Variants in KPNA4 observed in about 807,000 individuals in gnomAD.
KPNA4 encodes importin subunit alpha-3.
Under a neutral mutation model 71.3 loss-of-function variants are expected in KPNA4, and 13 were observed. The ratio of observed to expected loss-of-function variants is 0.18; its 90% CI spans 0.12 to 0.29. The LOEUF (loss-of-function observed/expected upper bound fraction) is 0.29. KPNA4 is among the 10% of genes least tolerant of loss of function. KPNA4 has a pLI of 1.00. For synonymous variants in KPNA4, 189 were observed against 195.2 expected, an observed-to-expected ratio of 0.97 and a Z score of 0.26; for missense variants, 334 against 603.2, an observed-to-expected ratio of 0.55 and a Z score of 4.67.
intron 16 of KPNA4, among the ~76,000 whole-genome samples, chr3:160,502,463 T>C (rs1474275795): frequency 1.3e-5 from 2 of 151,928 alleles, no homozygotes; most frequent in Non-Finnish European, 2.9e-5. Flanking sequence ...CTCAACCTCT[T>C]GGGCTCAAGT....
At chr3:160,562,012 C>G (rs1722254092) in intron 1 of KPNA4, among the ~76,000 whole-genome samples, 1 of 152,114 alleles carries the variant, frequency 6.6e-6, no homozygotes, top group South Asian at 2.1e-4. Context: ...AGGTCATACA[C>G]AAAGTTAGAG....
chr3:160,551,596 A>G (rs1172799416), intron 1 of KPNA4, among the ~76,000 whole-genome samples: 5 of 152,332 alleles, frequency 3.3e-5, no homozygotes, highest in African/African-American at 1.2e-4. Flanking sequence ...GTAGAGAGTC[A>G]GAGATGAAGT....
At position 160,555,390 on chromosome 3, in the gene KPNA4, T is replaced by C. The variant is rs759693217; in HGVS notation, c.69+9824A>G. Among the ~76,000 whole-genome samples the C allele has an allele frequency of 4.1e-4, 62 of 152,216 alleles. 1 individual carries two copies. The highest frequency in any genetic ancestry group is 1.3e-4 in the Admixed American group (2 of 15,278). On this transcript the variant is annotated intron_variant, in intron 1 of 16. Transcript: ENST00000334256. Reference sequence around the variant, plus strand: ...CATACCGTTGCATGTGTCAGTACAATAGTCACCCCCTTATCTGCACAGGGT... The same window carrying C: ...CATACCGTTGCATGTGTCAGTACAACAGTCACCCCCTTATCTGCACAGGGT...
intron 13 of KPNA4, among the ~76,000 whole-genome samples, chr3:160,511,689 CA>C (rs1278080888): frequency 1.3e-5 from 2 of 149,144 alleles, no homozygotes; most frequent in Non-Finnish European, 3.0e-5. Context: ...GTCATGTTGT[CA>C]GGGGCAATAC....
At chr3:160,546,801 A>G (rs1721919645) in intron 1 of KPNA4, among the ~76,000 whole-genome samples, 1 of 152,116 alleles carries the variant, frequency 6.6e-6, no homozygotes, top group African/African-American at 2.4e-5. Flanking sequence ...ACCACTCAAG[A>G]CTTAGAGCTT....
chr3:160,561,652 T>C (rs1385011336), intron 1 of KPNA4, among the ~76,000 whole-genome samples: 1 of 151,962 alleles, frequency 6.6e-6, no homozygotes, highest in Non-Finnish European at 1.5e-5. Flanking sequence ...CACTCAGAAA[T>C]TACAACTTTA....
chr3:160,534,959 C>T (rs1002499155), intron 5 of KPNA4, among the ~76,000 whole-genome samples: 38 of 151,704 alleles, frequency 2.5e-4, no homozygotes, highest in African/African-American at 8.9e-4. Flanking sequence ...TCTGACCTCA[C>T]GATCCGCCCA....
intron 1 of KPNA4, among the ~76,000 whole-genome samples, chr3:160,546,470 A>C (rs1322626949): frequency 6.6e-6 from 1 of 152,176 alleles, no homozygotes; most frequent in Non-Finnish European, 1.5e-5. Context: ...GTGAGCCGAG[A>C]TCGCAACACT....
chr3:160,502,412 C>A (rs577763412), intron 16 of KPNA4, among the ~76,000 whole-genome samples: 1 of 151,752 alleles, frequency 6.6e-6, no homozygotes, highest in African/African-American at 2.4e-5. Flanking sequence ...ACTCTGTCAC[C>A]CAGGCTGGAG....
At chr3:160,535,634 T>C (rs1429835556) in intron 4 of KPNA4, 27 bp downstream of exon 4, 1 of 1,586,498 alleles carries the variant, frequency 6.3e-7, no homozygotes, top group Admixed American at 1.9e-5. Context: ...GAAATGCAAA[T>C]GAAGAGAGGG....
chr3:160,533,746 G>A (rs1217048173), intron 5 of KPNA4, among the ~76,000 whole-genome samples: 3 of 152,174 alleles, frequency 2.0e-5, no homozygotes, highest in Non-Finnish European at 4.4e-5. Context: ...AAAGGCAAAT[G>A]AAGTCTTAGA....
intron 11 of KPNA4, among the ~76,000 whole-genome samples, chr3:160,519,517 G>A (rs1466016121): frequency 6.6e-5 from 10 of 152,100 alleles, no homozygotes; most frequent in South Asian, 2.1e-4. Flanking sequence ...ATAGGCGGCC[G>A]GGCGCGGTGG....
chr3:160,549,897 T>C (rs1018614786), intron 1 of KPNA4, among the ~76,000 whole-genome samples: 3 of 152,250 alleles, frequency 2.0e-5, no homozygotes, highest in African/African-American at 4.8e-5. Context: ...TTGGATTGTT[T>C]TCCATTTGTG....
rs111294481 is a variant in KPNA4, at chr3:160,496,436, C to T, written c.*5668G>A. On this transcript the variant is annotated 3_prime_UTR_variant, in exon 17 of 17. Transcript: ENST00000334256. Reference sequence around the variant, plus strand: ...ATGTAGATTTAAGCAGATTACGAGTCATTTTAAACAGCTGTTTCAAAGTAA... The same window carrying T: ...ATGTAGATTTAAGCAGATTACGAGTTATTTTAAACAGCTGTTTCAAAGTAA... The T allele has an allele frequency of 0.02, 3,116 of 152,148 alleles. 50 individuals are homozygous for T. The highest frequency in any genetic ancestry group is 0.032 in the African/African-American group (1,324 of 41,476). 9.4% of individuals were successfully genotyped at this position (152,148 alleles called of 1,614,324 possible).
intron 15 of KPNA4, among the ~76,000 whole-genome samples, 170 bp from the exon 16 acceptor site, chr3:160,505,222 T>C (rs1339767896): frequency 2.0e-5 from 3 of 152,186 alleles, no homozygotes; most frequent in Non-Finnish European, 4.4e-5. Flanking sequence ...TGCACAAAGA[T>C]ACAGCATATT....
Position 160,565,492 on chromosome 3 carries a change from G to A in KPNA4, c.-210C>T, listed in dbSNP as rs1156298079. On this transcript the variant is annotated 5_prime_UTR_variant, in exon 1 of 17. Coordinates refer to ENST00000334256, the MANE Select transcript of KPNA4 (RefSeq NM_002268.5). ...CTAACCCCAGCGCGACTGCAGCTCC[G>A]GCAAAGACAACTGTGGGGCCGGGCG... 1.1e-5 allele frequency: 5 copies of A among 459,394 alleles called. No individual in the cohort carries two copies. Among genetic ancestry groups the A allele is most frequent in the Middle Eastern group, 6.0e-4 (1 of 1,660 alleles). The allele number at this position is 459,394 out of a possible 1,614,324, so 28.5% of individuals were successfully genotyped here. A position where few individuals can be genotyped will look rare whatever the true frequency, so the allele number is the denominator to read the frequency against.
At chr3:160,511,802 C>T (rs1273540097) in intron 13 of KPNA4, among the ~76,000 whole-genome samples, 1 of 150,664 alleles carries the variant, frequency 6.6e-6, no homozygotes, top group African/African-American at 2.4e-5. Context: ...TATATATCAT[C>T]AATGATGTAC....
chr3:160,541,603 G>A (rs1242551056), intron 1 of KPNA4, among the ~76,000 whole-genome samples: 2 of 151,332 alleles, frequency 1.3e-5, no homozygotes, highest in African/African-American at 4.9e-5. Context: ...TAAAATTGGT[G>A]AATTTTATGA....
In KPNA4 at chr3:160,525,862, T is replaced by C. The variant is rs747002674; in HGVS notation, c.727-18A>G. 7.1e-6 allele frequency: 11 copies of C among 1,548,638 alleles called. No individual in the cohort carries two copies. The highest frequency in any genetic ancestry group is 2.3e-4 in the Middle Eastern group (1 of 4,266). ...GGAAGAATCTGAGGAGAGAAATATG[T>C]AGATTTAAAAACATACACAAATAAA... On this transcript the variant is annotated intron_variant, in intron 9 of 16. Transcript: ENST00000334256.
Sources: gnomAD v4.1 joint callset for allele counts (sites outside exome capture counted in the v4.1 genomes callset) on GRCh38, gnomAD v4.1.1 for gene constraint, MANE v1.5 for transcripts, NCBI Gene and HGNC (gene_info 2026-07-23, HGNC 2026-07-21) for gene names.